The following KIAA1958 variants were observed in gnomAD, a reference collection of about 807,000 sequenced individuals.
KIAA1958 encodes the protein uncharacterized protein KIAA1958.
Under a neutral mutation model 47.2 loss-of-function variants are expected in KIAA1958, and 14 were observed. That is an observed-to-expected ratio of 0.30 (90% CI 0.20 to 0.46). KIAA1958 has a LOEUF of 0.46. Ranked by LOEUF, KIAA1958 falls within the 20% of genes least tolerant of loss-of-function variation. The pLI is 1.00. For missense variants in KIAA1958, 803 were observed against 909.2 expected (o/e 0.88, Z 1.50); for synonymous variants, 354 against 353.3 (o/e 1.00, Z -0.02).
rs924279399 is a variant in KIAA1958, at chr9:112,661,831, T to G, written c.*1762T>G. On this transcript the variant is annotated 3_prime_UTR_variant, in exon 4 of 4. Transcript: ENST00000337530. Reference sequence around the variant, plus strand: ...CATAACGTTCTGGTGTGGTTTCCTGTAGTGATCTTAGGGTTTTGATTTAAA... The same window carrying G: ...CATAACGTTCTGGTGTGGTTTCCTGGAGTGATCTTAGGGTTTTGATTTAAA... 1 of 152,252 alleles carries G rather than the reference T, an allele frequency of 6.6e-6. No homozygotes were observed. Among genetic ancestry groups the G allele is most frequent in the Non-Finnish European group, 1.5e-5 (1 of 68,050 alleles). The allele number at this position is 152,252 out of a possible 1,614,324, so 9.4% of individuals were successfully genotyped here. A position where few individuals can be genotyped will look rare whatever the true frequency, so the allele number is the denominator to read the frequency against.
intron 1 of KIAA1958, among the ~76,000 whole-genome samples, chr9:112,559,437 T>C (rs1364557701): frequency 6.6e-6 from 1 of 152,084 alleles, no homozygotes; most frequent in Non-Finnish European, 1.5e-5. Context: ...GGGTTTCAAG[T>C]GAGGCAGAGA....
At chr9:112,608,271 A>T (rs1836269631) in intron 2 of KIAA1958, among the ~76,000 whole-genome samples, 1 of 152,210 alleles carries the variant, frequency 6.6e-6, no homozygotes, top group African/African-American at 2.4e-5. Flanking sequence ...AAGATATTTA[A>T]ACTAATAATT....
At chr9:112,573,651 G>A (rs1835578829) in intron 1 of KIAA1958, among the ~76,000 whole-genome samples, 1 of 152,080 alleles carries the variant, frequency 6.6e-6, no homozygotes, top group South Asian at 2.1e-4. Flanking sequence ...GCATCCTCTT[G>A]GTTAATGCAA....
chr9:112,665,816 A>T lies in KIAA1958; in HGVS notation c.*5747A>T, dbSNP rs1359413757. The stretch of plus-strand genomic sequence containing the variant: ...ATGGTCATGTGAATTTATTCTAATG[A>T]AAGTTAGTTTACAAGCTGCACCTGT... On this transcript the variant is annotated 3_prime_UTR_variant, in exon 4 of 4. Transcript: ENST00000337530. 1 of 152,146 alleles carries T rather than the reference A, an allele frequency of 6.6e-6. No individual in the cohort carries two copies. The highest frequency in any genetic ancestry group is 1.9e-4 in the East Asian group (1 of 5,196). The allele number at this position is 152,146 out of a possible 1,614,324, so 9.4% of individuals were successfully genotyped here.
In KIAA1958 at chr9:112,660,161, G is replaced by T; in HGVS notation, c.*92G>T. ...GCTCCTTGGAGGCAGGGGCTGACCA[G>T]GTGTGACCTCCCGGTCTGGCGGCTC... On this transcript the variant is annotated 3_prime_UTR_variant, in exon 4 of 4. Transcript: ENST00000337530. 1 of 1,111,454 alleles carries T rather than the reference G, an allele frequency of 9.0e-7. No individual in the cohort carries two copies. The highest frequency in any genetic ancestry group is 1.3e-6 in the Non-Finnish European group (1 of 766,168). 68.8% of individuals were successfully genotyped at this position (1,111,454 alleles called of 1,614,324 possible). A position where few individuals can be genotyped will look rare whatever the true frequency, so the allele number is the denominator to read the frequency against.
At chr9:112,553,658 T>C (rs377044690) in intron 1 of KIAA1958, among the ~76,000 whole-genome samples, 15 of 152,234 alleles carry the variant, frequency 9.9e-5, no homozygotes, top group African/African-American at 3.1e-4. Context: ...TGTACTGTTA[T>C]CTTTATTGTT....
intron 1 of KIAA1958, among the ~76,000 whole-genome samples, chr9:112,560,407 C>T (rs760507657): frequency 6.6e-6 from 1 of 151,850 alleles, no homozygotes; most frequent in African/African-American, 2.4e-5. Flanking sequence ...TCCAGCTGGT[C>T]TCAAACTCTT....
Position 112,659,649 on chromosome 9 carries a change from T to G in KIAA1958, c.1731T>G (p.Asp577Glu). The change falls in exon 4 of 4, where the codon GAT becomes GAG. Residue 577 changes from aspartate (D) to glutamate (E), a missense_variant. Transcript: ENST00000337530. ...TGCGGACGCTGCAGGAGCATGCGGA[T>G]CTGATGTATGGTGACATCGAGCTGC... The part of the protein sequence containing the change: ...LNMRTLQEHA[D>E]LMYGDIELLK... 2.1e-5 allele frequency: 34 copies of G among 1,614,134 alleles called. No individual in the cohort carries two copies. The highest frequency in any genetic ancestry group is 2.7e-5 in the Non-Finnish European group (32 of 1,180,020).
At chr9:112,511,078 C>T (rs1180616055) in intron 1 of KIAA1958, among the ~76,000 whole-genome samples, 1 of 152,086 alleles carries the variant, frequency 6.6e-6, no homozygotes, top group Non-Finnish European at 1.5e-5. Context: ...AAATTATCTG[C>T]TGCTTGCTTC....
chr9:112,654,217 G>T (rs1275258846), intron 3 of KIAA1958, among the ~76,000 whole-genome samples: 1 of 152,106 alleles, frequency 6.6e-6, no homozygotes, highest in Non-Finnish European at 1.5e-5. Context: ...TGGCTTTTTG[G>T]TTTTTGTTGA....
intron 2 of KIAA1958, among the ~76,000 whole-genome samples, chr9:112,632,459 A>C (rs959959148): frequency 2.0e-5 from 3 of 152,190 alleles, no homozygotes; most frequent in Non-Finnish European, 2.9e-5. Context: ...CCCACCAAAA[A>C]GTTGTACTGA....
chr9:112,490,628 C>T (rs893087826), intron 1 of KIAA1958, among the ~76,000 whole-genome samples: 3 of 152,092 alleles, frequency 2.0e-5, no homozygotes, highest in Non-Finnish European at 4.4e-5. Context: ...GGTCAAGAAA[C>T]GAAAAGTACT....
intron 1 of KIAA1958, among the ~76,000 whole-genome samples, chr9:112,502,091 G>A (rs766300046): frequency 3.9e-5 from 6 of 152,062 alleles, no homozygotes; most frequent in Non-Finnish European, 7.4e-5. Context: ...ACCCATTTCT[G>A]GTGAGTAGAA....
chr9:112,527,808 G>A (rs964287026), intron 1 of KIAA1958, among the ~76,000 whole-genome samples: 5 of 151,804 alleles, frequency 3.3e-5, no homozygotes, highest in African/African-American at 4.8e-5. Context: ...ATGGTGGTGC[G>A]TGCCTGTGGT....
At chr9:112,632,381 G>A (rs937556724) in intron 2 of KIAA1958, among the ~76,000 whole-genome samples, 1 of 151,448 alleles carries the variant, frequency 6.6e-6, no homozygotes. Flanking sequence ...TCTCCTAATG[G>A]GTTTTGGTGA....
intron 1 of KIAA1958, among the ~76,000 whole-genome samples, chr9:112,529,955 T>C (rs551793530): frequency 3.9e-5 from 6 of 152,258 alleles, no homozygotes; most frequent in African/African-American, 1.2e-4. Context: ...ACCATTCTCC[T>C]GCCTCAGCCT....
At chr9:112,515,778 A>G (rs1417712717) in intron 1 of KIAA1958, among the ~76,000 whole-genome samples, 1 of 106,672 alleles carries the variant, frequency 9.4e-6, no homozygotes, top group Non-Finnish European at 1.9e-5. Flanking sequence ...GCCTAGGAAA[A>G]CCAGAGACCT....
intron 2 of KIAA1958, among the ~76,000 whole-genome samples, chr9:112,612,345 C>T (rs1170720738): frequency 6.6e-6 from 1 of 152,128 alleles, no homozygotes; most frequent in Admixed American, 6.5e-5. Context: ...GAGGACAAGG[C>T]TGCAGTGAGC....
At chr9:112,502,889 G>GAATT (rs1834167847) in intron 1 of KIAA1958, among the ~76,000 whole-genome samples, 1 of 152,194 alleles carries the variant, frequency 6.6e-6, no homozygotes, top group African/African-American at 2.4e-5. Flanking sequence ...ATCAGTAGGG[G>GAATT]AATTATTGGC....
Sources: allele counts gnomAD v4.1 joint callset (sites outside exome capture counted in the v4.1 genomes callset), GRCh38; gene constraint gnomAD v4.1.1; transcripts MANE v1.5; gene names NCBI Gene and HGNC (gene_info 2026-07-23, HGNC 2026-07-21).